Variants in PRKAR1B observed in about 807,000 individuals in gnomAD.
The protein encoded by PRKAR1B is cAMP-dependent protein kinase type I-beta regulatory subunit.
A neutral mutation model predicts 46.5 loss-of-function variants in PRKAR1B; 22 were observed. The observed-to-expected ratio is 0.47, with a 90% CI of 0.34 to 0.68. The LOEUF is 0.68. Ranked by LOEUF, PRKAR1B falls within the 30% of genes least tolerant of loss-of-function variation. PRKAR1B has a pLI of 0.01. For synonymous variants in PRKAR1B, 259 were observed against 217.7 expected, an observed-to-expected ratio of 1.19 and a Z score of -1.67; for missense variants, 445 against 535.6, an observed-to-expected ratio of 0.83 and a Z score of 1.67.
chr7:635,448 TGCCTG>T (rs1783991515), intron 4 of PRKAR1B, among the ~76,000 whole-genome samples: 1 of 152,204 alleles, frequency 6.6e-6, no homozygotes, highest in Non-Finnish European at 1.5e-5. Context: ...GACGGCAACC[TGCCTG>T]CACCCCCCTG....
At position 714,619 on chromosome 7, in the gene PRKAR1B, C is replaced by T. The variant is rs1780810296; in HGVS notation, c.-22-3092G>A. ...CCCACACAAGGACTCCCTCTCCAGA[C>T]TGGCTCTGGTAGGAGTGCGAGGCGT... On this transcript the variant is annotated intron_variant, in intron 1 of 10. Transcript: ENST00000537384. This position sits in a 1 kb window ranked among gnomAD's most constrained non-coding sequence, Gnocchi z 4.3. 6.6e-6 allele frequency among the ~76,000 whole-genome samples: 1 copy of T among 152,262 alleles called. No individual in the cohort carries two copies.
At chr7:679,711 C>G (rs1778548655) in intron 3 of PRKAR1B, among the ~76,000 whole-genome samples, 8 of 152,164 alleles carry the variant, frequency 5.3e-5, no homozygotes, top group Admixed American at 5.2e-4. Flanking sequence ...TAACAGGGTA[C>G]TGGGGACTGA....
At chr7:726,592 C>G (rs1214971776) in intron 1 of PRKAR1B, 1 of 701,738 alleles carries the variant, frequency 1.4e-6, no homozygotes, top group Non-Finnish European at 2.0e-6. Context: ...GAGCACAGGC[C>G]CACGTGCGCA....
At chr7:572,106 G>A (rs752489640) in intron 9 of PRKAR1B, among the ~76,000 whole-genome samples, 5 of 152,140 alleles carry the variant, frequency 3.3e-5, no homozygotes, top group African/African-American at 7.2e-5. Context: ...CCCTCACCCC[G>A]AGGCTGACGG....
At chr7:727,031 TGCGCCGCGCC>T (rs1376820756) in intron 1 of PRKAR1B, 169 bp downstream of exon 1, 7 of 1,142,270 alleles carry the variant, frequency 6.1e-6, no homozygotes, top group Non-Finnish European at 7.5e-6. Context: ...GATCTGGGCC[TGCGCCGCGCC>T]GCGCGGCCCC....
chr7:688,594 C>G (rs1162646393), intron 2 of PRKAR1B, among the ~76,000 whole-genome samples: 3 of 152,144 alleles, frequency 2.0e-5, no homozygotes, highest in African/African-American at 7.2e-5. Context: ...ACACTTCCGC[C>G]TTTCACTTGC....
At chr7:585,555 G>A (rs545209910) in intron 7 of PRKAR1B, among the ~76,000 whole-genome samples, 33 of 152,046 alleles carry the variant, frequency 2.2e-4, no homozygotes, top group African/African-American at 7.5e-4. Flanking sequence ...ACATGCTAGT[G>A]ATGAGGTTTT....
intron 9 of PRKAR1B, among the ~76,000 whole-genome samples, chr7:566,522 CCAT>C (rs1779162068): frequency 1.3e-4 from 2 of 15,452 alleles, no homozygotes; most frequent in African/African-American, 4.3e-4. Context: ...ATGATCATCA[CCAT>C]CATTATGGCC....
intron 9 of PRKAR1B, among the ~76,000 whole-genome samples, chr7:573,778 C>T (rs188160139): frequency 3.8e-4 from 58 of 152,282 alleles, no homozygotes; most frequent in South Asian, 6.2e-4. Flanking sequence ...ACTGGGATCG[C>T]GGAGTCGGGC....
intron 4 of PRKAR1B, among the ~76,000 whole-genome samples, chr7:668,615 C>T (rs35342875): frequency 0.08 from 12,247 of 152,236 alleles, 648 homozygotes; most frequent in South Asian, 0.17. Context: ...GTTTCTTGTC[C>T]GCGTAGCTCT....
At chr7:579,186 AGAG>A (rs766323714) in intron 9 of PRKAR1B, 67 bp downstream of exon 9, 2 of 1,610,398 alleles carry the variant, frequency 1.2e-6, no homozygotes, top group South Asian at 1.1e-5. Context: ...GGGCAGTGGA[AGAG>A]GAGAAGGTAA....
chr7:553,526 C>T (rs1784379669), intron 9 of PRKAR1B, among the ~76,000 whole-genome samples: 1 of 152,228 alleles, frequency 6.6e-6, no homozygotes, highest in Admixed American at 6.5e-5. Flanking sequence ...CTCCAGGGTC[C>T]GGAGACGGCA....
rs1360567111 is a variant in PRKAR1B, at chr7:714,658, C to T, written c.-22-3131G>A. Among the ~76,000 whole-genome samples, 1 of 152,238 alleles carries T rather than the reference C, an allele frequency of 6.6e-6. No individual in the cohort carries two copies. The highest frequency in any genetic ancestry group is 1.5e-5 in the Non-Finnish European group (1 of 68,038). On this transcript the variant is annotated intron_variant, in intron 1 of 10. Coordinates refer to ENST00000537384, the MANE Select transcript of PRKAR1B (RefSeq NM_001164760.2). This position sits in a 1 kb window ranked among gnomAD's most constrained non-coding sequence, Gnocchi z 4.3. ...AGTGCGAGGCGTGGCCCCCACCGCC[C>T]CAACCTGCAGACAAGTTTCTGCCTG...
chr7:635,496 C>T (rs1783995666), intron 4 of PRKAR1B, among the ~76,000 whole-genome samples: 3 of 152,314 alleles, frequency 2.0e-5, no homozygotes, highest in Admixed American at 2.0e-4. Context: ...ACTGACTCCA[C>T]AGTCCTCTCC....
intron 8 of PRKAR1B, among the ~76,000 whole-genome samples, chr7:580,847 T>A (rs1189574164): frequency 6.6e-6 from 1 of 151,704 alleles, no homozygotes; most frequent in Non-Finnish European, 1.5e-5. Context: ...TTATTTTACA[T>A]CTAGGTTAGG....
At chr7:680,843 C>T in intron 2 of PRKAR1B, 117 bp from the exon 3 acceptor site, 2 of 1,215,286 alleles carry the variant, frequency 1.6e-6, no homozygotes, top group South Asian at 2.7e-5. Flanking sequence ...ATCGCTTGAA[C>T]TCAGGAGTTG....
intron 4 of PRKAR1B, among the ~76,000 whole-genome samples, chr7:633,297 C>G (rs1783869789): frequency 6.6e-6 from 1 of 152,102 alleles, no homozygotes. Flanking sequence ...TTATTTAAAC[C>G]ACACATAGGC....
intron 4 of PRKAR1B, among the ~76,000 whole-genome samples, chr7:662,090 TC>T (rs1785612320): frequency 1.4e-5 from 1 of 73,448 alleles, no homozygotes. Flanking sequence ...ATACCTACTC[TC>T]CCCCCCATGG....
At position 579,387 on chromosome 7, in the gene PRKAR1B, G is replaced by T. The variant is rs1182968030; in HGVS notation, c.770-10C>A. 1 of 1,612,796 alleles carries T rather than the reference G, an allele frequency of 6.2e-7. No individual in the cohort carries two copies. The highest frequency in any genetic ancestry group is 8.5e-7 in the Non-Finnish European group (1 of 1,180,034). The stretch of plus-strand genomic sequence containing the variant: ...CACTTCTCCAGGGACTCTGTCGGGG[G>T]AGGATGAGGACAGGTCATCCCGGGG... On this transcript the variant is annotated splice_polypyrimidine_tract_variant and intron_variant, in intron 8 of 10. Transcript: ENST00000537384.
Sources: allele counts gnomAD v4.1 joint callset (sites outside exome capture counted in the v4.1 genomes callset), GRCh38; gene constraint gnomAD v4.1.1; non-coding constraint Gnocchi (gnomAD v3.1); transcripts MANE v1.5; gene names NCBI Gene and HGNC (gene_info 2026-07-23, HGNC 2026-07-21).